PODXL2: variants seen among roughly 807,000 people sequenced by gnomAD.
The protein encoded by PODXL2 is podocalyxin like 2, also known as podocalyxin-like protein 2.
PODXL2 carries 17 observed loss-of-function variants against 53.4 expected under a neutral mutation model. That is an observed-to-expected ratio of 0.32 (90% CI 0.22 to 0.48). The LOEUF (loss-of-function observed/expected upper bound fraction) is 0.48, where lower values mean the gene tolerates loss of function less well. Ranked by LOEUF, PODXL2 falls within the 20% of genes least tolerant of loss-of-function variation. The probability of loss-of-function intolerance (pLI) is 0.99; values close to 1 mark genes in which losing one functional copy is unlikely to be tolerated. For missense variants in PODXL2, 673 were observed against 760.0 expected, an observed-to-expected ratio of 0.89 and a Z score of 1.35; for synonymous variants, 311 against 306.7, an observed-to-expected ratio of 1.01 and a Z score of -0.15.
rs2074809736 is a variant in PODXL2, at chr3:127,668,465, C to G, written c.1231C>G (p.Pro411Ala). Residue 411 changes from proline to alanine, a missense_variant, in exon 5 of 8, where the codon CCA becomes GCA. This residue lies in a region of PODXL2 where 588 missense variants were observed against 668.3 expected (regional missense o/e 0.88). Transcript: ENST00000342480. ...GGAGGTGTTCCGGCAGCACCGGGGG[C>G]CACAGCTCCTGGCCCTGGTGGAAGA... is the stretch of plus-strand genomic sequence containing the variant. ...DCEVFRQHRG[P>A]QLLALVEEVL... 1 of 1,550,484 alleles carries G rather than the reference C, an allele frequency of 6.4e-7. No homozygotes were observed. The highest frequency in any genetic ancestry group is 1.4e-5 in the African/African-American group (1 of 73,286).
intron 2 of PODXL2, among the ~76,000 whole-genome samples, chr3:127,648,142 A>G (rs1447992487): frequency 6.6e-6 from 1 of 152,190 alleles, no homozygotes; most frequent in Non-Finnish European, 1.5e-5. Flanking sequence ...AGTGGCTCTA[A>G]ATGACATAGT....
Position 127,672,771 on chromosome 3 carries a change from A to C in PODXL2, c.*291A>C. ...GCTTCCTGCGCCCCGGGACTCAATT[A>C]AACCCGCCCGGAGACCACGCCGGGC... On this transcript the variant is annotated 3_prime_UTR_variant, in exon 8 of 8. Coordinates refer to ENST00000342480, the MANE Select transcript of PODXL2 (RefSeq NM_015720.4). The C allele has an allele frequency of 2.8e-6, 1 of 360,832 alleles. No homozygotes were observed. The allele number at this position is 360,832 out of a possible 1,614,324, so 22.4% of individuals were successfully genotyped here. A position where few individuals can be genotyped will look rare whatever the true frequency, so the allele number is the denominator to read the frequency against.
intron 4 of PODXL2, among the ~76,000 whole-genome samples, chr3:127,663,458 C>T (rs1355834495): frequency 6.6e-6 from 1 of 152,190 alleles, no homozygotes; most frequent in Non-Finnish European, 1.5e-5. Context: ...AAATTCTTTA[C>T]TCTTGTTAGT....
chr3:127,666,873 A>G (rs540047436), intron 4 of PODXL2, among the ~76,000 whole-genome samples: 1 of 152,340 alleles, frequency 6.6e-6, no homozygotes, highest in Non-Finnish European at 1.5e-5. Flanking sequence ...TACCCAGGAA[A>G]ACATGGGGTG....
At chr3:127,632,392 A>G (rs965016154) in intron 1 of PODXL2, among the ~76,000 whole-genome samples, 4 of 152,198 alleles carry the variant, frequency 2.6e-5, no homozygotes, top group African/African-American at 7.2e-5. Context: ...GTGAATTTCA[A>G]AATTCTTAGG....
chr3:127,642,303 A>C (rs1270027554), intron 2 of PODXL2, among the ~76,000 whole-genome samples: 2 of 151,998 alleles, frequency 1.3e-5, no homozygotes, highest in African/African-American at 4.8e-5. Context: ...AAAAAAAAAA[A>C]AAAAAGATGT....
intron 1 of PODXL2, among the ~76,000 whole-genome samples, chr3:127,636,353 T>A (rs552822930): frequency 1.3e-5 from 2 of 151,932 alleles, no homozygotes; most frequent in African/African-American, 2.4e-5. Context: ...TAGCTTAGGG[T>A]CCCCCCGTGA....
chr3:127,655,461 A>AC (rs1348438980), intron 2 of PODXL2, among the ~76,000 whole-genome samples: 1 of 151,872 alleles, frequency 6.6e-6, no homozygotes, highest in East Asian at 1.9e-4. Context: ...GAGGTGGAGG[A>AC]CCCCCCACAG....
At chr3:127,652,133 C>CT (rs1383866948) in intron 2 of PODXL2, among the ~76,000 whole-genome samples, 6 of 152,240 alleles carry the variant, frequency 3.9e-5, no homozygotes, top group African/African-American at 1.4e-4. Context: ...ACACAAGAGT[C>CT]TAAGAGTCTT....
chr3:127,639,405 T>C lies in PODXL2; in HGVS notation c.231T>C (p.Pro77=), dbSNP rs1340664686. 7 of 1,614,150 alleles carry C rather than the reference T, an allele frequency of 4.3e-6. No homozygotes were observed. In the African/African-American group the frequency reaches 9.3e-5, roughly 22 times the overall value. Residue 77 remains proline, a synonymous_variant, in exon 2 of 8, where the codon CCT becomes CCC. Coordinates refer to ENST00000342480, the MANE Select transcript of PODXL2 (RefSeq NM_015720.4). The stretch of plus-strand genomic sequence containing the variant: ...GCCTGGGAGCTGGGCTGGGAGCCCC[T>C]GGCTCAGGCTTCCCCAGCGAAGAGA... ...TMGLGAGLGA[P]GSGFPSEENE... is the part of the protein sequence containing the mutation.
chr3:127,662,161 T>C, intron 3 of PODXL2, 76 bp from the exon 4 acceptor site: 4 of 1,329,368 alleles, frequency 3.0e-6, no homozygotes, highest in Non-Finnish European at 4.3e-6. Flanking sequence ...CCAAAAGGCC[T>C]CCGACCGGGG....
chr3:127,664,963 C>A (rs948069079), intron 4 of PODXL2, among the ~76,000 whole-genome samples: 6 of 152,180 alleles, frequency 3.9e-5, no homozygotes, highest in African/African-American at 1.4e-4. Flanking sequence ...AAGTTGAAGA[C>A]ATTATTTCCT....
chr3:127,633,581 G>C (rs571670851), intron 1 of PODXL2, among the ~76,000 whole-genome samples: 1 of 152,034 alleles, frequency 6.6e-6, no homozygotes, highest in Non-Finnish European at 1.5e-5. Flanking sequence ...TATTTCATTT[G>C]TAAAACAAGA....
chr3:127,629,468 C>T lies in PODXL2; in HGVS notation c.70+179C>T, dbSNP rs1334903683. Reference sequence around the variant, plus strand: ...GCACGAGGAGTGGGTGCGTGGGGGCCGCGGCGGGCGCCTGGCGTGCCGGGC... The same window carrying T: ...GCACGAGGAGTGGGTGCGTGGGGGCTGCGGCGGGCGCCTGGCGTGCCGGGC... On this transcript the variant is annotated intron_variant, in intron 1 of 7. Transcript: ENST00000342480. The surrounding 1 kb of genome is among the most constrained non-coding windows in gnomAD (Gnocchi z 6.4). Among the ~76,000 whole-genome samples, 6 of 149,866 alleles carry T rather than the reference C, an allele frequency of 4.0e-5. No individual in the cohort carries two copies. Among genetic ancestry groups the T allele is most frequent in the Admixed American group, 1.3e-4 (2 of 15,086 alleles).
chr3:127,660,242 C>G, intron 2 of PODXL2, 136 bp from the exon 3 acceptor site: 1 of 1,041,862 alleles, frequency 9.6e-7, no homozygotes, highest in Non-Finnish European at 1.4e-6. Context: ...GTCTGCTCCC[C>G]TGGCCTCTCC....
intron 4 of PODXL2, among the ~76,000 whole-genome samples, chr3:127,662,908 G>A (rs190181732): frequency 4.9e-4 from 74 of 152,330 alleles, no homozygotes; most frequent in Admixed American, 2.6e-3. Context: ...CAAGTTGGTT[G>A]TCAGTGTTCT....
intron 2 of PODXL2, among the ~76,000 whole-genome samples, chr3:127,653,649 AAAG>A (rs2074703189): frequency 6.8e-6 from 1 of 147,378 alleles, no homozygotes; most frequent in African/African-American, 2.4e-5. Flanking sequence ...CCATCTCAAA[AAAG>A]AAAAAAAAAA....
At chr3:127,641,923 A>G (rs2074623421) in intron 2 of PODXL2, among the ~76,000 whole-genome samples, 1 of 152,214 alleles carries the variant, frequency 6.6e-6, no homozygotes. Flanking sequence ...ATTCTGCTAC[A>G]AATATCCTTA....
intron 1 of PODXL2, among the ~76,000 whole-genome samples, chr3:127,634,355 G>A (rs371464768): frequency 9.6e-4 from 145 of 151,804 alleles, no homozygotes; most frequent in African/African-American, 3.3e-3. Context: ...AACTCGGGAG[G>A]CGAAGGTTGC....
Sources: allele counts gnomAD v4.1 joint callset (sites outside exome capture counted in the v4.1 genomes callset), GRCh38; gene constraint gnomAD v4.1.1; regional missense constraint gnomAD v4.1.1; non-coding constraint Gnocchi (gnomAD v3.1); transcripts MANE v1.5; gene names NCBI Gene and HGNC (gene_info 2026-07-23, HGNC 2026-07-21).